CCNJL: variants seen among roughly 807,000 people sequenced by gnomAD.
CCNJL encodes the protein cyclin J like.
Under a neutral mutation model 33.4 loss-of-function variants are expected in CCNJL, and 33 were observed. The ratio of observed to expected loss-of-function variants is 0.99; its 90% CI spans 0.75 to 1.32. The LOEUF (loss-of-function observed/expected upper bound fraction) is 1.32, where lower values mean the gene tolerates loss of function less well. Among genes scored for constraint, CCNJL ranks in the 40% most tolerant of loss-of-function variants. The probability of loss-of-function intolerance (pLI) is 0.00; values close to 1 mark genes in which losing one functional copy is unlikely to be tolerated. For missense variants in CCNJL, 512 were observed against 499.7 expected (o/e 1.02, Z -0.23); for synonymous variants, 227 against 220.9 (o/e 1.03, Z -0.24).
upstream of CCNJL, among the ~76,000 whole-genome samples, chr5:160,313,594 G>A (rs555669461): frequency 2.6e-5 from 4 of 152,286 alleles, no homozygotes; most frequent in Middle Eastern, 6.8e-3. Flanking sequence ...ACCTTGAAGA[G>A]CAGTTTTAAT....
intron 3 of CCNJL, among the ~76,000 whole-genome samples, chr5:160,267,134 T>G (rs1189542021): frequency 4.6e-5 from 7 of 152,156 alleles, no homozygotes; most frequent in African/African-American, 7.2e-5. Context: ...TGGCATTTGG[T>G]TCTCTGCTGC....
chr5:160,292,228 T>C (rs1373246843), intron 2 of CCNJL, among the ~76,000 whole-genome samples: 1 of 152,232 alleles, frequency 6.6e-6, no homozygotes. Flanking sequence ...CCCGCAAGTC[T>C]TCATGAGTAT....
intron 1 of CCNJL, among the ~76,000 whole-genome samples, chr5:160,325,513 C>T (rs1285664265): frequency 1.3e-5 from 2 of 152,160 alleles, no homozygotes; most frequent in African/African-American, 4.8e-5. Context: ...TGTTAAATCC[C>T]AGCTGAGCAC....
At chr5:160,335,345 T>G (rs1763669210) in intron 1 of CCNJL, among the ~76,000 whole-genome samples, 2 of 152,216 alleles carry the variant, frequency 1.3e-5, no homozygotes, top group Non-Finnish European at 2.9e-5. Flanking sequence ...TCTATATTTT[T>G]ATGTACCTGG....
At chr5:160,304,722 T>C (rs1260948486) in intron 2 of CCNJL, among the ~76,000 whole-genome samples, 1 of 151,550 alleles carries the variant, frequency 6.6e-6, no homozygotes, top group Non-Finnish European at 1.5e-5. Flanking sequence ...GATGCAGAAA[T>C]CCAAAAGGAG....
chr5:160,300,966 C>A (rs1762901651), intron 2 of CCNJL, among the ~76,000 whole-genome samples: 1 of 152,164 alleles, frequency 6.6e-6, no homozygotes, highest in African/African-American at 2.4e-5. Flanking sequence ...AGTATACTAG[C>A]GCAATCTTGT....
chr5:160,259,779 G>A lies in CCNJL; in HGVS notation c.281-8C>T. On this transcript the variant is annotated splice_polypyrimidine_tract_variant and splice_region_variant and intron_variant, in intron 3 of 5. Coordinates refer to ENST00000257536, the MANE Select transcript of CCNJL (RefSeq NM_001308173.3). ...CCCGATCCTCGAACTTACCTGTCGG[G>A]GAGCAGGGGAAGCAGGGGTTACTGG... The A allele has an allele frequency of 6.3e-7, 1 of 1,595,358 alleles. No individual in the cohort carries two copies. Among genetic ancestry groups the A allele is most frequent in the Non-Finnish European group, 8.6e-7 (1 of 1,169,384 alleles).
chr5:160,317,626 C>T (rs1303889654), upstream of CCNJL, among the ~76,000 whole-genome samples: 4 of 152,140 alleles, frequency 2.6e-5, no homozygotes, highest in Non-Finnish European at 4.4e-5. Context: ...ATCATGTGTA[C>T]AAGTGGGCAT....
intron 2 of CCNJL, 45 bp from the exon 3 acceptor site, chr5:160,280,783 C>A: frequency 7.6e-7 from 1 of 1,318,844 alleles, no homozygotes; most frequent in Non-Finnish European, 1.1e-6. Context: ...GGGCTGCCTC[C>A]TGAGAGTCTC....
intron 2 of CCNJL, among the ~76,000 whole-genome samples, chr5:160,282,970 T>TATATATATATATATATAC: frequency 2.4e-5 from 1 of 41,110 alleles, no homozygotes; most frequent in South Asian, 8.9e-4. Flanking sequence ...CCTTGGAATA[T>TATATATATATATATATAC]ATATATATAT....
At chr5:160,334,634 G>A (rs1024868522) in intron 1 of CCNJL, among the ~76,000 whole-genome samples, 1 of 152,154 alleles carries the variant, frequency 6.6e-6, no homozygotes, top group Non-Finnish European at 1.5e-5. Flanking sequence ...GAACAGAACC[G>A]GCAATTCAGC....
At chr5:160,268,058 T>G (rs1340355036) in intron 3 of CCNJL, among the ~76,000 whole-genome samples, 5 of 152,194 alleles carry the variant, frequency 3.3e-5, no homozygotes, top group African/African-American at 1.2e-4. Context: ...TGACTTTTTT[T>G]AAAAAACAGA....
chr5:160,272,062 T>C (rs1761855143), intron 3 of CCNJL, among the ~76,000 whole-genome samples: 1 of 152,226 alleles, frequency 6.6e-6, no homozygotes, highest in Admixed American at 6.5e-5. Context: ...ATTAGAGCCG[T>C]GGAGGCATCT....
intron 1 of CCNJL, among the ~76,000 whole-genome samples, chr5:160,331,222 C>CT (rs574507230): frequency 0.023 from 3,025 of 131,396 alleles, 57 homozygotes; most frequent in African/African-American, 0.041. Context: ...TTCTTTCTTT[C>CT]TTTTTTTTTT....
chr5:160,257,890 A>G (rs1011246862), intron 4 of CCNJL, among the ~76,000 whole-genome samples: 1 of 151,060 alleles, frequency 6.6e-6, no homozygotes, highest in African/African-American at 2.4e-5. Flanking sequence ...CTTGTTGCCC[A>G]AGCTGGAGTT....
chr5:160,319,861 A>G (rs773062324), intron 1 of CCNJL, among the ~76,000 whole-genome samples: 3 of 152,096 alleles, frequency 2.0e-5, no homozygotes, highest in South Asian at 2.1e-4. Flanking sequence ...TCGTGGCTGC[A>G]GTAAGCCCTG....
intron 3 of CCNJL, chr5:160,276,374 C>G (rs964408869): frequency 6.7e-6 from 1 of 148,486 alleles, no homozygotes; most frequent in Non-Finnish European, 1.5e-5. Flanking sequence ...GAGATCATGC[C>G]ACTGCACTTC....
intron 4 of CCNJL, among the ~76,000 whole-genome samples, chr5:160,256,388 G>A (rs1024421465): frequency 6.6e-6 from 1 of 152,178 alleles, no homozygotes; most frequent in Non-Finnish European, 1.5e-5. Context: ...CTTATTAATT[G>A]TAACAATGCC....
intron 2 of CCNJL, among the ~76,000 whole-genome samples, chr5:160,300,821 G>A (rs912924494): frequency 1.3e-5 from 2 of 152,026 alleles, no homozygotes; most frequent in Non-Finnish European, 2.9e-5. Context: ...CACCATGCCC[G>A]GCTCCTGCTC....
Sources: gnomAD v4.1 joint callset for allele counts (sites outside exome capture counted in the v4.1 genomes callset) on GRCh38, gnomAD v4.1.1 for gene constraint, MANE v1.5 for transcripts, NCBI Gene and HGNC (gene_info 2026-07-23, HGNC 2026-07-21) for gene names.